LPP: variants seen among roughly 807,000 people sequenced by gnomAD.
The protein encoded by LPP is lipoma-preferred partner.
A neutral mutation model predicts 60.4 loss-of-function variants in LPP; 38 were observed. The observed-to-expected ratio is 0.63, with a 90% CI of 0.49 to 0.83. The LOEUF is 0.83. LPP is among the 40% of genes least tolerant of loss of function. The pLI is 0.00. For missense variants in LPP, 902 were observed against 783.6 expected (o/e 1.15, Z -1.80); for synonymous variants, 328 against 290.8 (o/e 1.13, Z -1.30).
At chr3:188,386,623 A>C (rs1381044906) in intron 3 of LPP, among the ~76,000 whole-genome samples, 1 of 152,200 alleles carries the variant, frequency 6.6e-6, no homozygotes, top group Non-Finnish European at 1.5e-5. Flanking sequence ...TTCCCCGAAG[A>C]ATGATAATAA....
intron 7 of LPP, among the ~76,000 whole-genome samples, chr3:188,675,383 C>T (rs960764064): frequency 6.6e-6 from 1 of 152,148 alleles, no homozygotes; most frequent in African/African-American, 2.4e-5. Context: ...ACAAGTAGAC[C>T]AAACAAACAA....
Position 188,884,148 on chromosome 3 carries a change from G to C in LPP, c.*9669G>C, listed in dbSNP as rs546953080. 1.3e-5 allele frequency: 3 copies of C among 225,418 alleles called. No individual in the cohort carries two copies. Among genetic ancestry groups the C allele is most frequent in the South Asian group, 3.7e-4 (2 of 5,458 alleles). 14.0% of individuals were successfully genotyped at this position (225,418 alleles called of 1,614,324 possible). A position where few individuals can be genotyped will look rare whatever the true frequency, so the allele number is the denominator to read the frequency against. On this transcript the variant is annotated 3_prime_UTR_variant, in exon 12 of 12. Transcript: ENST00000617246. ...AAACTGCTTCCACACAGAAAATAGC[G>C]CAGGGAGGACAGTTATTAGTACCCC...
intron 9 of LPP, among the ~76,000 whole-genome samples, chr3:188,809,601 T>C (rs1032948778): frequency 6.6e-6 from 1 of 152,226 alleles, no homozygotes; most frequent in Admixed American, 6.5e-5. Context: ...GATGGATAGA[T>C]TGCAAAAATT....
chr3:188,687,151 G>A (rs1399682079), intron 7 of LPP, among the ~76,000 whole-genome samples: 1 of 152,160 alleles, frequency 6.6e-6, no homozygotes, highest in African/African-American at 2.4e-5. Flanking sequence ...CCAATTTCCA[G>A]GTAATGGAGA....
intron 3 of LPP, among the ~76,000 whole-genome samples, chr3:188,367,344 C>T (rs1771511159): frequency 2.0e-5 from 3 of 152,106 alleles, no homozygotes; most frequent in Admixed American, 2.0e-4. Flanking sequence ...GCTTCTTCTA[C>T]ATTCCAAGAA....
chr3:188,276,681 CTCTCTCTCTCTCTT>C (rs1284567884), intron 2 of LPP, among the ~76,000 whole-genome samples: 377 of 15,980 alleles, frequency 0.024, 6 homozygotes, highest in African/African-American at 0.18. Context: ...CTCTCTCTCT[CTCTCTCTCTCTCTT>C]TCTCTCTCTC....
intron 8 of LPP, among the ~76,000 whole-genome samples, chr3:188,732,157 C>T (rs955156627): frequency 2.6e-5 from 4 of 152,054 alleles, no homozygotes; most frequent in African/African-American, 9.7e-5. Flanking sequence ...AACTTGTGAC[C>T]GATGCTATGG....
At chr3:188,722,408 A>G (rs62291267) in intron 8 of LPP, among the ~76,000 whole-genome samples, 33,934 of 152,058 alleles carry the variant, frequency 0.22, 4,738 homozygotes, top group Middle Eastern at 0.47. Context: ...ATACAGCAGT[A>G]ATAAAAATGA....
At chr3:188,208,368 G>C (rs1733859078) in intron 1 of LPP, 1 of 152,278 alleles carries the variant, frequency 6.6e-6, no homozygotes, top group Non-Finnish European at 1.5e-5. Flanking sequence ...CCACTGCTAG[G>C]GATGCTAGAA....
At chr3:188,420,282 G>T (rs778952837) in intron 4 of LPP, among the ~76,000 whole-genome samples, 1 of 152,026 alleles carries the variant, frequency 6.6e-6, no homozygotes, top group Non-Finnish European at 1.5e-5. Context: ...GTTAGAAGTA[G>T]AATTACTTTA....
In LPP at chr3:188,208,547, C is replaced by T. The variant is rs149786195; in HGVS notation, c.-189-16858C>T. ...TCCTTACTGTATGTTTATTTCCCCA[C>T]GGGCTTATTTCAGAGAGACTGGAGC... is the stretch of plus-strand genomic sequence containing the variant. On this transcript the variant is annotated intron_variant, in intron 1 of 11. Coordinates refer to ENST00000617246, the MANE Select transcript of LPP (RefSeq NM_001375462.1). Among the ~76,000 whole-genome samples, 1,476 of 152,338 alleles carry T rather than the reference C, an allele frequency of 9.7e-3. 18 individuals carry two copies. Among genetic ancestry groups the T allele is most frequent in the Middle Eastern group, 0.024 (7 of 294 alleles).
intron 2 of LPP, among the ~76,000 whole-genome samples, chr3:188,276,894 CTTTTTTTTTTTTTTTTTT>C (rs1203656488): frequency 2.6e-5 from 1 of 38,204 alleles, no homozygotes; most frequent in Non-Finnish European, 5.0e-5. Flanking sequence ...CTTTTCTTTT[CTTTTTTTTTTTTTTTTTT>C]TTTTTTTGGA....
chr3:188,642,631 C>T (rs565267587), intron 7 of LPP, among the ~76,000 whole-genome samples: 3 of 152,202 alleles, frequency 2.0e-5, no homozygotes, highest in East Asian at 1.9e-4. Flanking sequence ...GGGTGATGGA[C>T]GCCATAAAAG....
intron 3 of LPP, among the ~76,000 whole-genome samples, chr3:188,346,617 A>G (rs537643623): frequency 6.6e-6 from 1 of 152,292 alleles, no homozygotes; most frequent in East Asian, 1.9e-4. Flanking sequence ...ACGTGCATAC[A>G]CATGATCCTG....
rs1039690263 is a variant in LPP at position 188,879,473 on chromosome 3, T to C, written c.*4994T>C. ...ATAGGGGCATATTTTTTAGGTTGTA[T>C]TTATTCGTAAAGTGAAATGAGATAA... On this transcript the variant is annotated 3_prime_UTR_variant, in exon 12 of 12. Transcript: ENST00000617246. The C allele has an allele frequency of 1.5e-5, 3 of 205,152 alleles. No homozygotes were observed. The highest frequency in any genetic ancestry group is 3.0e-5 in the Non-Finnish European group (3 of 100,242). The allele number at this position is 205,152 out of a possible 1,614,324, so 12.7% of individuals were successfully genotyped here.
chr3:188,726,129 T>C (rs1218783219), intron 8 of LPP, among the ~76,000 whole-genome samples: 1 of 152,102 alleles, frequency 6.6e-6, no homozygotes, highest in African/African-American at 2.4e-5. Flanking sequence ...TGATTAAAGA[T>C]CACTCTGGGT....
chr3:188,521,369 T>C (rs1162129066), intron 5 of LPP, among the ~76,000 whole-genome samples: 2 of 152,160 alleles, frequency 1.3e-5, no homozygotes, highest in African/African-American at 2.4e-5. Context: ...ACTGGTTGCA[T>C]ATCATAATTA....
intron 3 of LPP, among the ~76,000 whole-genome samples, chr3:188,375,248 AT>A (rs2151123488): frequency 6.6e-6 from 1 of 152,072 alleles, no homozygotes; most frequent in Admixed American, 6.5e-5. Context: ...GATTCCCTCT[AT>A]TTCTGTTGAT....
intron 9 of LPP, among the ~76,000 whole-genome samples, chr3:188,829,966 G>A (rs1464833622): frequency 6.7e-6 from 1 of 149,872 alleles, no homozygotes; most frequent in Non-Finnish European, 1.5e-5. Flanking sequence ...CAGTCCAGGA[G>A]TTTCAGACCA....
Sources: gnomAD v4.1 joint callset for allele counts (sites outside exome capture counted in the v4.1 genomes callset) on GRCh38, gnomAD v4.1.1 for gene constraint, MANE v1.5 for transcripts, NCBI Gene and HGNC (gene_info 2026-07-23, HGNC 2026-07-21) for gene names.